ZNF615: variants seen among roughly 807,000 people sequenced by gnomAD.
ZNF615 encodes the protein zinc finger protein 615.
Under a neutral mutation model 15.3 loss-of-function variants are expected in ZNF615, and 15 were observed. The observed-to-expected ratio is 0.98, with a 90% CI of 0.66 to 1.51. ZNF615 has a LOEUF of 1.51. Ranked by LOEUF, ZNF615 falls within the 40% of genes most tolerant of loss-of-function variation. The pLI, the probability that ZNF615 is intolerant of heterozygous loss-of-function variation, is 0.00. For synonymous variants in ZNF615, 268 were observed against 294.6 expected (o/e 0.91, Z 0.92); for missense variants, 848 against 895.9 (o/e 0.95, Z 0.68).
chr19:52,004,158 C>T (rs1456872803), intron 2 of ZNF615, among the ~76,000 whole-genome samples: 4 of 152,252 alleles, frequency 2.6e-5, no homozygotes, highest in African/African-American at 4.8e-5. Context: ...ATCGTCACAA[C>T]GTGATGCCCA....
In ZNF615 at chr19:51,993,318, A is replaced by C. The variant is rs1359921544; in HGVS notation, c.1791T>G (p.His597Gln). The change falls in exon 7 of 7, where the codon CAT becomes CAG. Residue 597 changes from histidine (H) to glutamine (Q), a missense_variant. Physicochemically the swap from His to Gln is conservative, Grantham distance 24 (BLOSUM62 0). Coordinates refer to ENST00000598071, the MANE Select transcript of ZNF615 (RefSeq NM_001199324.2). ...GTTTCTCCCCAGTATGAGTTCGCTGATGTGCAATGAGCATGCTTTTCCCAG... is the reference window on the plus strand; with the variant it reads ...GTTTCTCCCCAGTATGAGTTCGCTGCTGTGCAATGAGCATGCTTTTCCCAG... Reference protein sequence around the residue: ...GLTGKSMLIAHQRTHTGEKPY... With the variant: ...GLTGKSMLIAQQRTHTGEKPY... 1 of 1,614,090 alleles carries C rather than the reference A, an allele frequency of 6.2e-7. No homozygotes were observed. The highest frequency in any genetic ancestry group is 8.5e-7 in the Non-Finnish European group (1 of 1,180,012).
At chr19:51,996,407 A>AAAAAAAAC (rs755143397) in intron 6 of ZNF615, among the ~76,000 whole-genome samples, 4,297 of 137,576 alleles carry the variant, frequency 0.031, 238 homozygotes, top group South Asian at 0.092. Context: ...AAAAAAAAAA[A>AAAAAAAAC]ACGCAAAACT....
intron 3 of ZNF615, chr19:52,002,529 A>G (rs2086630385): frequency 1.7e-6 from 1 of 578,800 alleles, no homozygotes; most frequent in Non-Finnish European, 3.2e-6. Context: ...TGCTAATGAA[A>G]GAACATCTAT....
Position 51,994,070 on chromosome 19 carries a change from T to C in ZNF615, c.1039A>G (p.Lys347Glu). 2 of 1,614,094 alleles carry C rather than the reference T, an allele frequency of 1.2e-6. No individual in the cohort carries two copies. The highest frequency in any genetic ancestry group is 1.3e-5 in the African/African-American group (1 of 75,040). The stretch of plus-strand genomic sequence containing the variant: ...TAAGGTTTTTCTCCTGTATGAGTTT[T>C]CTGATGTGTAGTGAGACTGAACTTT... ...STKFSLTTHQ[K>E]THTGEKPYIC... is the part of the protein sequence containing the mutation. The change falls in exon 7 of 7, where the codon AAA (lysine) becomes GAA (glutamate). Residue 347 changes from lysine to glutamate, a missense_variant. By Grantham distance (56) the Lys-to-Glu change is moderately conservative. Transcript: ENST00000598071.
At position 51,993,542 on chromosome 19, in the gene ZNF615, A is replaced by C; in HGVS notation, c.1567T>G (p.Tyr523Asp). The C allele has an allele frequency of 6.2e-7, 1 of 1,613,868 alleles. No homozygotes were observed. The change falls in exon 7 of 7, where the codon TAT becomes GAT. Residue 523 changes from tyrosine to aspartate, a missense_variant. Physicochemically the swap from Tyr to Asp is radical, Grantham distance 160 (BLOSUM62 -3). Coordinates refer to ENST00000598071, the MANE Select transcript of ZNF615 (RefSeq NM_001199324.2). ...CCTTTTCCACACTCACCACATACAT[A>C]GGGTTTTTCTCCAGTATGAGTTCGC... Reference protein sequence around the residue: ...HQRTHTGEKPYVCGECGKGFP... With the variant: ...HQRTHTGEKPDVCGECGKGFP...
rs1208073742 is a variant in ZNF615, at chr19:51,993,598, AAGCCTTTTCCAC to A, written c.1499_1510del (p.Cys500_Gly503del). On this transcript the variant is annotated inframe_deletion, in exon 7 of 7. Coordinates refer to ENST00000598071, the MANE Select transcript of ZNF615 (RefSeq NM_001199324.2). The stretch of plus-strand genomic sequence containing the variant: ...CACAATAAGGCGGCTCTTCACAGTG[AAGCCTTTTCCAC>A]AATCATTGCATATATATGGCTTCTC... 6.2e-7 allele frequency: 1 copy of A among 1,613,980 alleles called. No homozygotes were observed. Among genetic ancestry groups the A allele is most frequent in the East Asian group, 2.2e-5 (1 of 44,886 alleles).
At chr19:51,997,815 C>T (rs149017214) in intron 6 of ZNF615, among the ~76,000 whole-genome samples, 15 of 152,332 alleles carry the variant, frequency 9.8e-5, no homozygotes, top group African/African-American at 1.7e-4. Flanking sequence ...TGGCTACAGA[C>T]ACTGGGCTTA....
Position 51,993,361 on chromosome 19 carries a change from T to C in ZNF615, c.1748A>G (p.Glu583Gly), listed in dbSNP as rs780193897. 9 of 1,614,118 alleles carry C rather than the reference T, an allele frequency of 5.6e-6. No homozygotes were observed. The highest frequency in any genetic ancestry group is 7.6e-6 in the Non-Finnish European group (9 of 1,180,026). The change falls in exon 7 of 7, where the codon GAA becomes GGA. Residue 583 changes from glutamate to glycine, a missense_variant. Transcript: ENST00000598071. ...TTTCCCAGTTAAGCCTTTGCCACATTCACTGCATACATAGGGTTTCTCTCC... is the reference window on the plus strand; with the variant it reads ...TTTCCCAGTTAAGCCTTTGCCACATCCACTGCATACATAGGGTTTCTCTCC... ...HTGEKPYVCS[E>G]CGKGLTGKSM...
chr19:52,001,913 T>A lies in ZNF615; in HGVS notation c.143-5A>T. On this transcript the variant is annotated splice_polypyrimidine_tract_variant and splice_region_variant and intron_variant, in intron 4 of 6. Coordinates refer to ENST00000598071, the MANE Select transcript of ZNF615 (RefSeq NM_001199324.2). ...CTGGTTTGCTGGCTTGATACCCTGTTCATGGGAAATGACAGAAGATTTAGA... is the reference window on the plus strand; with the variant it reads ...CTGGTTTGCTGGCTTGATACCCTGTACATGGGAAATGACAGAAGATTTAGA... The A allele has an allele frequency of 6.2e-7, 1 of 1,614,058 alleles. No individual in the cohort carries two copies. The highest frequency in any genetic ancestry group is 1.1e-5 in the South Asian group (1 of 91,084).
intron 6 of ZNF615, among the ~76,000 whole-genome samples, chr19:51,999,427 G>C (rs1339360926): frequency 1.3e-5 from 2 of 152,176 alleles, no homozygotes; most frequent in African/African-American, 2.4e-5. Flanking sequence ...AAAGAACAAA[G>C]ATGGAGGACT....
At chr19:51,999,459 T>C (rs7247405) in intron 6 of ZNF615, among the ~76,000 whole-genome samples, 59,899 of 152,024 alleles carry the variant, frequency 0.39, 13,123 homozygotes, top group African/African-American at 0.58. Flanking sequence ...ATTTCAAAAC[T>C]TACTATAGAA....
intron 3 of ZNF615, 156 bp from the exon 4 acceptor site, chr19:52,002,437 CT>C: frequency 9.3e-7 from 1 of 1,080,526 alleles, no homozygotes; most frequent in East Asian, 2.5e-5. Context: ...GTAAAATATT[CT>C]GTAACTGTGC....
chr19:52,006,001 T>C (rs2086742147), intron 2 of ZNF615, among the ~76,000 whole-genome samples: 1 of 152,192 alleles, frequency 6.6e-6, no homozygotes, highest in African/African-American at 2.4e-5. Flanking sequence ...GGGAACAATT[T>C]AACATTCTAT....
chr19:52,001,091 AATT>A (rs1298547590), intron 5 of ZNF615, among the ~76,000 whole-genome samples: 2 of 151,980 alleles, frequency 1.3e-5, no homozygotes, highest in Admixed American at 6.6e-5. Context: ...AATGAAGGAA[AATT>A]ATTATTTTCC....
chr19:52,000,489 A>C, intron 5 of ZNF615, 111 bp from the exon 6 acceptor site: 2 of 465,622 alleles, frequency 4.3e-6, no homozygotes, highest in East Asian at 3.3e-5. Flanking sequence ...CATACACAAA[A>C]TGGGAAGTTA....
chr19:51,993,896 G>T lies in ZNF615; in HGVS notation c.1213C>A (p.His405Asn), dbSNP rs1270972919. ...KNSLITHQQT[H>N]TGEKLYTCSE... ...CATGTATATAATTTCTCTCCTGTAT[G>T]AGTTTGCTGATGTGTGATAAGACTG... The change falls in exon 7 of 7, where the codon CAT (histidine) becomes AAT (asparagine). Residue 405 changes from histidine to asparagine, a missense_variant. By Grantham distance (68) the His-to-Asn change is moderately conservative. Coordinates refer to ENST00000598071, the MANE Select transcript of ZNF615 (RefSeq NM_001199324.2). 1.2e-6 allele frequency: 2 copies of T among 1,614,046 alleles called. No homozygotes were observed. The highest frequency in any genetic ancestry group is 1.7e-6 in the Non-Finnish European group (2 of 1,180,032).
At position 51,994,758 on chromosome 19, in the gene ZNF615, T is replaced by A; in HGVS notation, c.351A>T (p.Glu117Asp). The change falls in exon 7 of 7, where the codon GAA becomes GAT. Residue 117 changes from glutamate to aspartate, a missense_variant. By Grantham distance (45) the Glu-to-Asp change is conservative (BLOSUM62 2). Transcript: ENST00000598071. ...SIQKSVKQCH[E>D]QNMFGNIVNQ... is the part of the protein sequence containing the mutation. ...TAACAATATTTCCAAACATATTCTG[T>A]TCATGGCACTGTTTCACACTCTTCT... 6.2e-7 allele frequency: 1 copy of A among 1,613,626 alleles called. No individual in the cohort carries two copies. The highest frequency in any genetic ancestry group is 8.5e-7 in the Non-Finnish European group (1 of 1,179,926).
chr19:51,999,550 C>G (rs2086532939), intron 6 of ZNF615, among the ~76,000 whole-genome samples: 1 of 152,100 alleles, frequency 6.6e-6, no homozygotes. Flanking sequence ...GGTTACACAA[C>G]TAGGTGAATA....
rs895092218 is a variant in ZNF615 at position 52,000,372 on chromosome 19, C to A, written c.245G>T (p.Gly82Val). 3.2e-6 allele frequency: 2 copies of A among 622,924 alleles called. No individual in the cohort carries two copies. The highest frequency in any genetic ancestry group is 1.9e-5 in the South Asian group (1 of 51,436). The allele number at this position is 622,924 out of a possible 1,614,324, so 38.6% of individuals were successfully genotyped here. The stretch of plus-strand genomic sequence containing the variant: ...TGCATATGCACCTCCTGATGCACCT[C>A]CTGAATCTAAAATAAAAACATAAAA... ...EIYSRICSDSGGASGGAYAEI... is the reference protein window; with the variant it reads ...EIYSRICSDSVGASGGAYAEI... Residue 82 changes from glycine (G) to valine (V), a missense_variant, in exon 6 of 7, where the codon GGA becomes GTA. Coordinates refer to ENST00000598071, the MANE Select transcript of ZNF615 (RefSeq NM_001199324.2).
Sources: allele counts gnomAD v4.1 joint callset (sites outside exome capture counted in the v4.1 genomes callset), GRCh38; gene constraint gnomAD v4.1.1; transcripts MANE v1.5; gene names NCBI Gene and HGNC (gene_info 2026-07-23, HGNC 2026-07-21).